QTGAL: variants seen among roughly 807,000 people sequenced by gnomAD.
QTGAL encodes the protein queuosine-tRNA galactosyltransferase.
At chr17:82,944,060 A>G in the QTGAL span, 1 of 152,244 alleles carries the variant, frequency 6.6e-6, no homozygotes, top group Non-Finnish European at 1.5e-5. Flanking sequence ...CTGAGGATGG[A>G]AGGAACAAGT....
the QTGAL span, chr17:83,006,864 C>T: frequency 3.9e-5 from 37 of 952,764 alleles, no homozygotes; most frequent in African/African-American, 1.9e-4. The surrounding 1 kb of genome is among the most constrained non-coding windows in gnomAD (Gnocchi z 5.8). Context: ...GAGCAACTGC[C>T]GGGTCACAGA....
chr17:83,034,480 T>G, the QTGAL span, among the ~76,000 whole-genome samples: 5 of 152,164 alleles, frequency 3.3e-5, no homozygotes, highest in Non-Finnish European at 7.4e-5. Context: ...TTTGATAAGG[T>G]TGGGCTGTGT....
chr17:83,045,937 T>C, the QTGAL span, among the ~76,000 whole-genome samples: 4,542 of 148,314 alleles, frequency 0.031, 234 homozygotes, highest in African/African-American at 0.11. Context: ...AATTCTTCTG[T>C]CTCAGCCTCC....
the QTGAL span, chr17:82,946,824 A>G: frequency 2.9e-5 from 40 of 1,364,784 alleles, no homozygotes; most frequent in Admixed American, 4.2e-5. Flanking sequence ...AATGAAAAGG[A>G]AATGAAACAT....
At chr17:82,946,301 AC>A in the QTGAL span, among the ~76,000 whole-genome samples, 3 of 152,248 alleles carry the variant, frequency 2.0e-5, no homozygotes, top group African/African-American at 7.2e-5. Context: ...TCTGTTAATG[AC>A]AAAGTTCTCC....
the QTGAL span, among the ~76,000 whole-genome samples, chr17:83,043,024 A>G: frequency 6.6e-6 from 1 of 152,376 alleles, no homozygotes; most frequent in East Asian, 1.9e-4. Context: ...GGGTCACAAA[A>G]TTAAGTAAGG....
At chr17:82,947,817 TC>T in the QTGAL span, 1 of 152,416 alleles carries the variant, frequency 6.6e-6, no homozygotes, top group African/African-American at 2.4e-5. Context: ...CTCAAAGCCA[TC>T]CTTCCTGGAA....
chr17:82,972,696 CCACAG>C, the QTGAL span, among the ~76,000 whole-genome samples: 5 of 129,924 alleles, frequency 3.8e-5, no homozygotes, highest in Admixed American at 3.7e-4. Flanking sequence ...CCACACCACA[CCACAG>C]GGGCCAGAAG....
chr17:83,040,045 C>T, the QTGAL span, among the ~76,000 whole-genome samples: 3 of 152,162 alleles, frequency 2.0e-5, no homozygotes, highest in Non-Finnish European at 2.9e-5. Flanking sequence ...GGACCAAGTC[C>T]ACTAGAAAGT....
the QTGAL span, among the ~76,000 whole-genome samples, chr17:82,952,683 G>C: frequency 2.6e-4 from 39 of 152,202 alleles, 1 homozygote; most frequent in Admixed American, 1.6e-3. Context: ...CTTGAACGCA[G>C]CTCTGGACCA....
At chr17:83,007,335 G>A in the QTGAL span, 1 of 949,836 alleles carries the variant, frequency 1.1e-6, no homozygotes, top group African/African-American at 1.8e-5. Flanking sequence ...TAAACTGTTT[G>A]GTGTGTCTGT....
the QTGAL span, chr17:83,030,724 C>T: frequency 6.6e-6 from 1 of 152,482 alleles, no homozygotes; most frequent in African/African-American, 2.4e-5. Flanking sequence ...CTTGGCCCTT[C>T]TCATCCCAGC....
At chr17:82,978,104 G>A in the QTGAL span, among the ~76,000 whole-genome samples, 1 of 152,092 alleles carries the variant, frequency 6.6e-6, no homozygotes, top group South Asian at 2.1e-4. This position sits in a 1 kb window ranked among gnomAD's most constrained non-coding sequence, Gnocchi z 4.8. Flanking sequence ...TTTTAAAAAA[G>A]CACGTGCTGT....
the QTGAL span, among the ~76,000 whole-genome samples, chr17:82,999,515 C>T: frequency 6.6e-6 from 1 of 152,198 alleles, no homozygotes; most frequent in African/African-American, 2.4e-5. Context: ...ACCACTAATG[C>T]CTTCCTGTTG....
chr17:83,036,513 A>G, the QTGAL span, among the ~76,000 whole-genome samples: 1 of 152,212 alleles, frequency 6.6e-6, no homozygotes, highest in Non-Finnish European at 1.5e-5. Flanking sequence ...ATCATATTTT[A>G]AGAGGAGTTT....
chr17:82,959,581 G>A, the QTGAL span, among the ~76,000 whole-genome samples: 1 of 152,140 alleles, frequency 6.6e-6, no homozygotes, highest in East Asian at 1.9e-4. Context: ...AGCAGCCCGG[G>A]TGTGTTGGGT....
At chr17:82,996,508 C>G in the QTGAL span, among the ~76,000 whole-genome samples, 3 of 134,392 alleles carry the variant, frequency 2.2e-5, no homozygotes, top group Admixed American at 8.1e-5. Context: ...GATGACAGAG[C>G]GAGACTCTGC....
the QTGAL span, among the ~76,000 whole-genome samples, chr17:82,959,172 T>C: frequency 1.3e-5 from 2 of 151,902 alleles, no homozygotes; most frequent in Non-Finnish European, 2.9e-5. Flanking sequence ...AGTGCATGTG[T>C]ACATGAGCAC....
chr17:82,987,214 T>C, the QTGAL span, among the ~76,000 whole-genome samples: 2 of 152,260 alleles, frequency 1.3e-5, no homozygotes, highest in African/African-American at 2.4e-5. Context: ...TCCATAATTA[T>C]ATACACCTAC....
Sources: gnomAD v4.1 joint callset for allele counts (sites outside exome capture counted in the v4.1 genomes callset) on GRCh38, gnomAD v4.1.1 for gene constraint, Gnocchi (gnomAD v3.1) non-coding constraint, MANE v1.5 for transcripts, NCBI Gene and HGNC (gene_info 2026-07-23, HGNC 2026-07-21) for gene names.